The following DRC11 variants were observed in gnomAD, a reference collection of about 807,000 sequenced individuals.
DRC11 encodes dynein regulatory complex subunit 11, also known as IQ and AAA domain-containing protein 1.
the DRC11 span, among the ~76,000 whole-genome samples, chr2:236,478,147 T>G: frequency 6.6e-6 from 1 of 152,158 alleles, no homozygotes; most frequent in African/African-American, 2.4e-5. This position sits in a 1 kb window ranked among gnomAD's most constrained non-coding sequence, Gnocchi z 5.9. Flanking sequence ...TTAGGTTGTT[T>G]GAGCTCTTTC....
chr2:236,442,766 C>T, the DRC11 span, among the ~76,000 whole-genome samples: 1 of 152,226 alleles, frequency 6.6e-6, no homozygotes, highest in South Asian at 2.1e-4. Context: ...GGAACCTCTC[C>T]AACTCATAGG....
At chr2:236,351,798 G>A in the DRC11 span, among the ~76,000 whole-genome samples, 110 of 151,958 alleles carry the variant, frequency 7.2e-4, 1 homozygote, top group Non-Finnish European at 1.3e-3. The surrounding 1 kb of genome is among the most constrained non-coding windows in gnomAD (Gnocchi z 7.3). Flanking sequence ...GGCAGGACTG[G>A]CCAGCCTCAA....
the DRC11 span, among the ~76,000 whole-genome samples, chr2:236,458,208 A>T: frequency 6.6e-6 from 1 of 152,352 alleles, no homozygotes; most frequent in South Asian, 2.1e-4. Flanking sequence ...CTTGATGAAC[A>T]ACTAAAGCAT....
chr2:236,401,658 A>C, the DRC11 span, among the ~76,000 whole-genome samples: 1 of 152,168 alleles, frequency 6.6e-6, no homozygotes, highest in South Asian at 2.1e-4. The surrounding 1 kb of genome is among the most constrained non-coding windows in gnomAD (Gnocchi z 4.6). Context: ...TGAGAGCGTG[A>C]AGTCAGAACC....
chr2:236,405,261 A>T, the DRC11 span, among the ~76,000 whole-genome samples: 1 of 152,024 alleles, frequency 6.6e-6, no homozygotes, highest in African/African-American at 2.4e-5. This position sits in a 1 kb window ranked among gnomAD's most constrained non-coding sequence, Gnocchi z 4.6. Flanking sequence ...TGGCTGAACA[A>T]ATAATGAACA....
the DRC11 span, among the ~76,000 whole-genome samples, chr2:236,405,326 G>A: frequency 6.6e-6 from 1 of 151,752 alleles, no homozygotes; most frequent in Admixed American, 6.6e-5. The surrounding 1 kb of genome is among the most constrained non-coding windows in gnomAD (Gnocchi z 4.6). Context: ...TTGAGTCACT[G>A]TAGTATCTGC....
At chr2:236,462,667 C>T in the DRC11 span, among the ~76,000 whole-genome samples, 3 of 151,904 alleles carry the variant, frequency 2.0e-5, no homozygotes, top group East Asian at 5.8e-4. This position sits in a 1 kb window ranked among gnomAD's most constrained non-coding sequence, Gnocchi z 6.4. Flanking sequence ...CGAGACCCTG[C>T]CTCAAAAACA....
the DRC11 span, among the ~76,000 whole-genome samples, chr2:236,325,610 T>C: frequency 6.6e-6 from 1 of 151,940 alleles, no homozygotes; most frequent in African/African-American, 2.4e-5. This position sits in a 1 kb window ranked among gnomAD's most constrained non-coding sequence, Gnocchi z 4.4. Context: ...TTTTTTTTTT[T>C]TTCTTTTTTT....
At chr2:236,355,371 C>T in the DRC11 span, among the ~76,000 whole-genome samples, 5 of 152,288 alleles carry the variant, frequency 3.3e-5, no homozygotes, top group East Asian at 1.9e-4. Flanking sequence ...TGCCAGGAAC[C>T]GAAAACTGCT....
the DRC11 span, among the ~76,000 whole-genome samples, chr2:236,420,128 A>G: frequency 2.0e-5 from 3 of 152,266 alleles, no homozygotes; most frequent in Non-Finnish European, 4.4e-5. The surrounding 1 kb of genome is among the most constrained non-coding windows in gnomAD (Gnocchi z 4.8). Context: ...TGAGAGCCTC[A>G]CAGAGACAGA....
chr2:236,448,249 G>A, the DRC11 span, among the ~76,000 whole-genome samples: 1 of 152,268 alleles, frequency 6.6e-6, no homozygotes, highest in Admixed American at 6.5e-5. The surrounding 1 kb of genome is among the most constrained non-coding windows in gnomAD (Gnocchi z 5.3). Flanking sequence ...AGATGAGAGG[G>A]AAATTATTTT....
the DRC11 span, among the ~76,000 whole-genome samples, chr2:236,466,509 C>T: frequency 6.6e-6 from 1 of 152,188 alleles, no homozygotes; most frequent in Non-Finnish European, 1.5e-5. Context: ...CACAGTTCTG[C>T]AGGCTGTATG....
the DRC11 span, among the ~76,000 whole-genome samples, chr2:236,361,928 G>A: frequency 5.3e-5 from 8 of 152,054 alleles, no homozygotes; most frequent in East Asian, 3.9e-4. The surrounding 1 kb of genome is among the most constrained non-coding windows in gnomAD (Gnocchi z 5.7). Flanking sequence ...AAAATATACC[G>A]TATACACTCA....
chr2:236,408,040 A>G, the DRC11 span: 1 of 575,124 alleles, frequency 1.7e-6, no homozygotes. This position sits in a 1 kb window ranked among gnomAD's most constrained non-coding sequence, Gnocchi z 5.5. Context: ...GAGGGTGAGC[A>G]CTCACTTCTT....
chr2:236,479,103 G>A, the DRC11 span, among the ~76,000 whole-genome samples: 7 of 152,156 alleles, frequency 4.6e-5, no homozygotes, highest in African/African-American at 1.7e-4. The surrounding 1 kb of genome is among the most constrained non-coding windows in gnomAD (Gnocchi z 4.1). Flanking sequence ...GGGATTACAG[G>A]CGTGAGCCAC....
chr2:236,340,206 T>C, the DRC11 span, among the ~76,000 whole-genome samples: 5 of 152,328 alleles, frequency 3.3e-5, no homozygotes, highest in Non-Finnish European at 2.9e-5. Flanking sequence ...TCTCTGCTCA[T>C]TGCAATCACC....
At chr2:236,326,803 T>C in the DRC11 span, among the ~76,000 whole-genome samples, 9 of 59,796 alleles carry the variant, frequency 1.5e-4, no homozygotes, top group East Asian at 2.2e-3. Flanking sequence ...TGTGTGTGTG[T>C]GTGTGTGTGT....
the DRC11 span, among the ~76,000 whole-genome samples, chr2:236,357,857 TA>T: frequency 8.0e-6 from 1 of 124,994 alleles, no homozygotes; most frequent in Non-Finnish European, 1.6e-5. Context: ...TATATAAATA[TA>T]TACTATATAA....
chr2:236,503,490 G>C, the DRC11 span: 1 of 856,046 alleles, frequency 1.2e-6, no homozygotes, highest in Non-Finnish European at 1.9e-6. This position sits in a 1 kb window ranked among gnomAD's most constrained non-coding sequence, Gnocchi z 4.9. Flanking sequence ...CTGGTGGCTT[G>C]AGCCTTCCGG....
Sources: gnomAD v4.1 joint callset for allele counts (sites outside exome capture counted in the v4.1 genomes callset) on GRCh38, gnomAD v4.1.1 for gene constraint, Gnocchi (gnomAD v3.1) non-coding constraint, MANE v1.5 for transcripts, NCBI Gene and HGNC (gene_info 2026-07-23, HGNC 2026-07-21) for gene names.